Variants in LZTFL1 observed in about 807,000 individuals in gnomAD.
LZTFL1 encodes leucine zipper transcription factor-like protein 1.
A neutral mutation model predicts 45.9 loss-of-function variants in LZTFL1; 25 were observed. The observed-to-expected ratio is 0.54, with a 90% confidence interval of 0.40 to 0.76. The LOEUF (loss-of-function observed/expected upper bound fraction) is 0.76. Among genes scored for constraint, LZTFL1 ranks in the 30% least tolerant of loss-of-function variants. LZTFL1 has a pLI of 0.00. For missense variants in LZTFL1, 277 were observed against 331.1 expected (o/e 0.84, Z 1.27); for synonymous variants, 93 against 117.4 (o/e 0.79, Z 1.35).
At chr3:45,832,914 A>G in intron 5 of LZTFL1, 136 bp downstream of exon 5, 4 of 632,554 alleles carry the variant, frequency 6.3e-6, no homozygotes, top group Non-Finnish European at 1.1e-5. Flanking sequence ...CCCATGGGGT[A>G]CCATCAAGTA....
intron 2 of LZTFL1, among the ~76,000 whole-genome samples, chr3:45,888,231 T>G (rs1445929230): frequency 1.3e-5 from 2 of 152,210 alleles, no homozygotes; most frequent in African/African-American, 2.4e-5. Flanking sequence ...CATGCCTTAG[T>G]GCATATGTTT....
chr3:45,875,502 T>C, intron 2 of LZTFL1, among the ~76,000 whole-genome samples: 1 of 152,180 alleles, frequency 6.6e-6, no homozygotes, highest in East Asian at 1.9e-4. Context: ...GAGTTTCAAT[T>C]TCATTGTCTG....
At chr3:45,867,788 G>A (rs1436394824) in intron 2 of LZTFL1, among the ~76,000 whole-genome samples, 1 of 152,076 alleles carries the variant, frequency 6.6e-6, no homozygotes, top group African/African-American at 2.4e-5. Flanking sequence ...AGGCTGCAGT[G>A]AGCTGTGATC....
intron 7 of LZTFL1, among the ~76,000 whole-genome samples, chr3:45,828,949 GC>G (rs945927948): frequency 2.6e-5 from 4 of 151,968 alleles, no homozygotes; most frequent in Non-Finnish European, 4.4e-5. Context: ...ATTTTGAAAA[GC>G]CAAATTTAAA....
At chr3:45,898,963 C>T (rs1275677418) in intron 2 of LZTFL1, among the ~76,000 whole-genome samples, 5 of 152,016 alleles carry the variant, frequency 3.3e-5, no homozygotes, top group Non-Finnish European at 5.9e-5. Flanking sequence ...GTCAGAAGTT[C>T]GAGACCAGCC....
intron 7 of LZTFL1, 69 bp downstream of exon 7, chr3:45,830,844 A>G (rs1371945427): frequency 1.5e-6 from 2 of 1,377,468 alleles, no homozygotes; most frequent in African/African-American, 2.9e-5. Flanking sequence ...AGTAACTAAG[A>G]CTTAATTTTA....
Position 45,826,342 on chromosome 3 carries a change from T to G in LZTFL1, c.882-10A>C, listed in dbSNP as rs774387691. ...ATCTTCAGGTTCATATCTGGAGATA[T>G]AAATTAAGAACACAATGTCAGGATA... On this transcript the variant is annotated splice_polypyrimidine_tract_variant and intron_variant, in intron 9 of 9. Coordinates refer to ENST00000296135, the MANE Select transcript of LZTFL1 (RefSeq NM_020347.4). The G allele has an allele frequency of 1.2e-6, 2 of 1,609,318 alleles. No individual in the cohort carries two copies. The highest frequency in any genetic ancestry group is 1.1e-5 in the South Asian group (1 of 90,708).
chr3:45,857,163 A>G (rs1290950737), intron 3 of LZTFL1, among the ~76,000 whole-genome samples: 1 of 152,254 alleles, frequency 6.6e-6, no homozygotes, highest in Non-Finnish European at 1.5e-5. Context: ...AGTATGGCAC[A>G]TATACACCAT....
chr3:45,896,390 C>T (rs1424538999), intron 2 of LZTFL1, among the ~76,000 whole-genome samples: 1 of 152,154 alleles, frequency 6.6e-6, no homozygotes, highest in Non-Finnish European at 1.5e-5. Flanking sequence ...AAGATGGGAC[C>T]CCTGTGGCCC....
intron 3 of LZTFL1, chr3:45,835,094 T>G (rs984444683): frequency 1.3e-5 from 2 of 152,580 alleles, no homozygotes; most frequent in African/African-American, 4.8e-5. Context: ...TTTTTGAATT[T>G]GAGCTCTTAG....
At chr3:45,890,269 A>ATATATTTAT (rs1466215987) in intron 2 of LZTFL1, among the ~76,000 whole-genome samples, 2 of 10,420 alleles carry the variant, frequency 1.9e-4, no homozygotes, top group African/African-American at 8.9e-4. Context: ...ATATATATAT[A>ATATATTTAT]ACATATATAT....
chr3:45,875,911 T>A (rs1288972500), intron 2 of LZTFL1, among the ~76,000 whole-genome samples: 1 of 152,178 alleles, frequency 6.6e-6, no homozygotes, highest in East Asian at 1.9e-4. Context: ...GGATGTGACT[T>A]ATAGAAAGGA....
At position 45,875,065 on chromosome 3, in the gene LZTFL1, AT is replaced by A. The variant is rs577081298; in HGVS notation, c.-214-16050del. 4.5e-3 allele frequency among the ~76,000 whole-genome samples: 681 copies of A among 152,316 alleles called. 8 individuals are homozygous for A. Among genetic ancestry groups the A allele is most frequent in the African/African-American group, 0.016 (646 of 41,572 alleles). ...TGTAGAATCATGAGCTAAATAAATA[AT>A]TGTTGTTTAAGCCACTACATTTTGG... On this transcript the variant is annotated intron_variant, in intron 2 of 4. Transcript: ENST00000472635.
chr3:45,886,482 C>A (rs1215602272), intron 2 of LZTFL1: 2 of 152,210 alleles, frequency 1.3e-5, no homozygotes, highest in African/African-American at 4.8e-5. Flanking sequence ...CCACCAGTGA[C>A]AACACAGGCA....
intron 2 of LZTFL1, among the ~76,000 whole-genome samples, chr3:45,868,132 C>T (rs894387108): frequency 1.4e-5 from 2 of 148,054 alleles, no homozygotes; most frequent in East Asian, 2.0e-4. Context: ...TGTAACAAAC[C>T]TGCACGTTGT....
intron 2 of LZTFL1, among the ~76,000 whole-genome samples, chr3:45,873,352 C>G (rs1384870445): frequency 1.3e-5 from 2 of 152,178 alleles, no homozygotes; most frequent in Non-Finnish European, 2.9e-5. Context: ...TTTTGCTAAT[C>G]AATGTTAGAC....
exon 1 of LZTFL1, chr3:45,915,539 A>C: frequency 2.2e-6 from 1 of 456,532 alleles, no homozygotes; most frequent in Non-Finnish European, 4.4e-6. Context: ...TTTTTCTGTG[A>C]TGATTCTATG....
chr3:45,897,413 G>GC (rs1702391159), intron 2 of LZTFL1: 1 of 636,612 alleles, frequency 1.6e-6, no homozygotes. Flanking sequence ...GAAAAACTAT[G>GC]CCCCCTGGGC....
intron 2 of LZTFL1, among the ~76,000 whole-genome samples, chr3:45,836,944 C>G (rs1385622001): frequency 2.0e-5 from 3 of 152,172 alleles, no homozygotes; most frequent in Non-Finnish European, 4.4e-5. Context: ...CTCTCCTCTC[C>G]CTACCTCTAC....
Sources: allele counts gnomAD v4.1 joint callset (sites outside exome capture counted in the v4.1 genomes callset), GRCh38; gene constraint gnomAD v4.1.1; transcripts MANE v1.5; gene names NCBI Gene and HGNC (gene_info 2026-07-23, HGNC 2026-07-21).